The following UTP20 variants were observed in gnomAD, a reference collection of about 807,000 sequenced individuals.
UTP20 encodes the protein UTP20 small subunit processome component.
In UTP20, 164 loss-of-function variants were observed where a neutral mutation model predicts 329.5. The observed-to-expected ratio is 0.50, with a 90% confidence interval of 0.44 to 0.57. The LOEUF is 0.57. Ranked by LOEUF, UTP20 falls within the 20% of genes least tolerant of loss-of-function variation. The probability of loss-of-function intolerance (pLI) is 0.00; values close to 1 mark genes in which losing one functional copy is unlikely to be tolerated. For missense variants in UTP20, 3,055 were observed against 3,284.2 expected, an observed-to-expected ratio of 0.93 and a Z score of 1.71; for synonymous variants, 1,151 against 1,159.3, an observed-to-expected ratio of 0.99 and a Z score of 0.14.
chr12:101,298,531 A>T (rs1872429469), intron 12 of UTP20, among the ~76,000 whole-genome samples: 1 of 152,158 alleles, frequency 6.6e-6, no homozygotes, highest in South Asian at 2.1e-4. Context: ...GTGAGAGGAG[A>T]TGGAGGTGGG....
intron 55 of UTP20, among the ~76,000 whole-genome samples, chr12:101,375,306 T>C (rs1294507830): frequency 6.6e-6 from 1 of 151,956 alleles, no homozygotes; most frequent in Non-Finnish European, 1.5e-5. Flanking sequence ...AGTATCTTCA[T>C]GGTATATGAA....
intron 30 of UTP20, among the ~76,000 whole-genome samples, 175 bp from the exon 31 acceptor site, chr12:101,338,638 T>G (rs1869015293): frequency 6.6e-6 from 1 of 152,222 alleles, no homozygotes. Context: ...GCTAGTAATA[T>G]AGCTATTTTG....
chr12:101,383,338 GACAGT>G (rs772422765), intron 59 of UTP20, 25 bp downstream of exon 59: 1 of 1,586,728 alleles, frequency 6.3e-7, no homozygotes, highest in Non-Finnish European at 8.6e-7. Context: ...CAGAATGACT[GACAGT>G]AGTCATTTCT....
intron 29 of UTP20, 121 bp from the exon 30 acceptor site, chr12:101,337,930 C>T: frequency 2.2e-6 from 2 of 903,612 alleles, no homozygotes; most frequent in Non-Finnish European, 1.7e-6. Context: ...ACTAATTCCC[C>T]TTTGAATAAT....
chr12:101,376,943 C>T (rs771252570), intron 56 of UTP20, among the ~76,000 whole-genome samples: 6 of 152,008 alleles, frequency 3.9e-5, no homozygotes, highest in Admixed American at 6.6e-5. Flanking sequence ...CCACCACACC[C>T]GGCCAATTTT....
intron 10 of UTP20, 131 bp from the exon 11 acceptor site, chr12:101,293,037 G>A: frequency 1.2e-6 from 1 of 834,788 alleles, no homozygotes. Flanking sequence ...AAGCACCTTT[G>A]GAGAAGGCCG....
At chr12:101,352,234 G>A (rs1231230072) in intron 39 of UTP20, 40 bp downstream of exon 39, 4 of 1,581,424 alleles carry the variant, frequency 2.5e-6, no homozygotes, top group South Asian at 2.3e-5. Context: ...TTTTTTAAAT[G>A]TAATTTATGG....
rs760481676 is a variant in UTP20, at chr12:101,317,652, A to G, written c.2727A>G (p.Arg909=). Residue 909 remains arginine (R), a synonymous_variant, in exon 22 of 62, where the codon AGA becomes AGG. Coordinates refer to ENST00000261637, the MANE Select transcript of UTP20 (RefSeq NM_014503.3). ...DESSQKKKTR[R]AAAKQLIAHL... Reference sequence around the variant, plus strand: ...CCTCACAGAAGAAAAAGACGAGGAGAGCTGCAGCAAAGTAAGTTCACCATT... The same window carrying G: ...CCTCACAGAAGAAAAAGACGAGGAGGGCTGCAGCAAAGTAAGTTCACCATT... 1 of 1,609,150 alleles carries G rather than the reference A, an allele frequency of 6.2e-7. No homozygotes were observed. Among genetic ancestry groups the G allele is most frequent in the Non-Finnish European group, 8.5e-7 (1 of 1,177,994 alleles).
intron 28 of UTP20, among the ~76,000 whole-genome samples, chr12:101,333,984 A>G (rs986938863): frequency 1.8e-4 from 27 of 152,198 alleles, no homozygotes; most frequent in African/African-American, 6.3e-4. Context: ...CTTTTATAGC[A>G]CCTCACATAG....
At chr12:101,308,396 T>C in intron 18 of UTP20, 53 bp downstream of exon 18, 1 of 1,297,846 alleles carries the variant, frequency 7.7e-7, no homozygotes, top group East Asian at 2.9e-5. Context: ...TTAAATCCTG[T>C]TTGGGGAAGC....
chr12:101,299,999 C>T lies in UTP20; in HGVS notation c.1613C>T (p.Pro538Leu), dbSNP rs757384332. Residue 538 changes from proline (P) to leucine (L), a missense_variant, in exon 14 of 62, where the codon CCA becomes CTA. This residue lies in a region of UTP20 where 2,445 missense variants were observed against 2,575.5 expected (regional missense o/e 0.95). Coordinates refer to ENST00000261637, the MANE Select transcript of UTP20 (RefSeq NM_014503.3). ...IRPLEKEKVI[P>L]LVTGFIEALF... ...CCTCTTGAGAAAGAGAAGGTGATACCACTCGTCACCGGCTTCATAGAGGCA... is the reference window on the plus strand; with the variant it reads ...CCTCTTGAGAAAGAGAAGGTGATACTACTCGTCACCGGCTTCATAGAGGCA... 9 of 1,613,996 alleles carry T rather than the reference C, an allele frequency of 5.6e-6. No individual in the cohort carries two copies. The East Asian group carries it at 1.3e-4, about 24-fold the overall frequency.
chr12:101,281,395 T>G (rs1039524420), intron 2 of UTP20, among the ~76,000 whole-genome samples, 199 bp downstream of exon 2: 8 of 152,222 alleles, frequency 5.3e-5, no homozygotes, highest in African/African-American at 1.9e-4. Context: ...TGTGGCTAGT[T>G]GCTAACATAT....
chr12:101,288,367 A>G (rs967815532), intron 5 of UTP20, among the ~76,000 whole-genome samples: 4 of 152,220 alleles, frequency 2.6e-5, no homozygotes, highest in African/African-American at 9.7e-5. Context: ...TTATAGATGC[A>G]TGGCTGCTTG....
intron 15 of UTP20, among the ~76,000 whole-genome samples, chr12:101,305,611 TTATA>T (rs34841818): frequency 0.047 from 6,850 of 144,542 alleles, 529 homozygotes; most frequent in African/African-American, 0.17. Flanking sequence ...ATAATAAATA[TTATA>T]TATATATATA....
intron 27 of UTP20, among the ~76,000 whole-genome samples, 192 bp from the exon 28 acceptor site, chr12:101,333,109 T>G (rs998132082): frequency 5.9e-5 from 9 of 152,256 alleles, no homozygotes; most frequent in African/African-American, 1.7e-4. Context: ...AAGACTCTGC[T>G]TTCTTTTCTT....
chr12:101,352,687 G>A (rs1006366103), intron 39 of UTP20, among the ~76,000 whole-genome samples: 1 of 142,902 alleles, frequency 7.0e-6, no homozygotes, highest in Non-Finnish European at 1.5e-5. Flanking sequence ...GGGGAGGATA[G>A]CATTGGGAGA....
intron 56 of UTP20, among the ~76,000 whole-genome samples, chr12:101,376,564 A>ACT (rs1353490743): frequency 6.6e-6 from 1 of 152,122 alleles, no homozygotes; most frequent in Non-Finnish European, 1.5e-5. Context: ...CAAAAATAGA[A>ACT]AGGGTACAGT....
rs765166437 is a variant in UTP20, at chr12:101,291,764, C to G, written c.914C>G (p.Thr305Arg). Residue 305 changes from threonine to arginine, a missense_variant, in exon 9 of 62, where the codon ACA (threonine) becomes AGA (arginine). Coordinates refer to ENST00000261637, the MANE Select transcript of UTP20 (RefSeq NM_014503.3). The part of the protein sequence containing the change: ...CLQESLLDLH[T>R]KVTKTNCCES... ...CAGGAATCGCTCTTGGATCTACACA[C>G]AAAAGTAACAAAAACTAACTGTTGT... The G allele has an allele frequency of 6.3e-7, 1 of 1,599,980 alleles. No individual in the cohort carries two copies. Among genetic ancestry groups the G allele is most frequent in the Non-Finnish European group, 8.5e-7 (1 of 1,174,444 alleles).
chr12:101,355,107 C>T lies in UTP20; in HGVS notation c.5383C>T (p.Leu1795Phe). 6.2e-7 allele frequency: 1 copy of T among 1,613,200 alleles called. No homozygotes were observed. Among genetic ancestry groups the T allele is most frequent in the Non-Finnish European group, 8.5e-7 (1 of 1,179,568 alleles). The stretch of plus-strand genomic sequence containing the variant: ...TATTCTCCCCAGGCTACATAAATGC[C>T]TTGCATCTACGGTAATAAATTTATT... ...GDILPRLHKC[L>F]ASTTKREEEH... Residue 1795 changes from leucine (L) to phenylalanine (F), a missense_variant, in exon 41 of 62, where the codon CTT (leucine) becomes TTT (phenylalanine). By Grantham distance (22) the Leu-to-Phe change is conservative (BLOSUM62 0). Transcript: ENST00000261637.
Sources: gnomAD v4.1 joint callset for allele counts (sites outside exome capture counted in the v4.1 genomes callset) on GRCh38, gnomAD v4.1.1 for gene constraint, gnomAD v4.1.1 regional missense constraint, MANE v1.5 for transcripts, NCBI Gene and HGNC (gene_info 2026-07-23, HGNC 2026-07-21) for gene names.